The following GLIS3 variants were observed in gnomAD, a reference collection of about 807,000 sequenced individuals.
GLIS3 encodes GLIS family zinc finger 3.
Under a neutral mutation model 78.6 loss-of-function variants are expected in GLIS3, and 53 were observed. That is an observed-to-expected ratio of 0.67 (90% confidence interval 0.54 to 0.85). The LOEUF (loss-of-function observed/expected upper bound fraction) is 0.85. Among genes scored for constraint, GLIS3 ranks in the 40% least tolerant of loss-of-function variants. The pLI, the probability that GLIS3 is intolerant of heterozygous loss-of-function variation, is 0.00. For missense variants in GLIS3, 1,703 were observed against 1,231.1 expected, an observed-to-expected ratio of 1.38 and a Z score of -5.74; for synonymous variants, 684 against 509.9, an observed-to-expected ratio of 1.34 and a Z score of -4.60.
chr9:3,839,862 T>C (rs1486399211), intron 9 of GLIS3, among the ~76,000 whole-genome samples: 2 of 152,234 alleles, frequency 1.3e-5, no homozygotes, highest in African/African-American at 4.8e-5. Flanking sequence ...AATTAATTAG[T>C]AAAATTGATC....
chr9:4,068,607 T>C (rs1425618193), intron 4 of GLIS3, among the ~76,000 whole-genome samples: 1 of 151,960 alleles, frequency 6.6e-6, no homozygotes, highest in Admixed American at 6.6e-5. Context: ...TTAGAGAAAA[T>C]CCTGGGGCTC....
chr9:3,874,539 A>C (rs1821175861), intron 8 of GLIS3, among the ~76,000 whole-genome samples: 1 of 152,210 alleles, frequency 6.6e-6, no homozygotes, highest in Non-Finnish European at 1.5e-5. Context: ...TCAGTTTGTC[A>C]GATGTACAGG....
chr9:4,319,530 AAC>A (rs1817490083), intron 2 of GLIS3, among the ~76,000 whole-genome samples: 1 of 133,594 alleles, frequency 7.5e-6, no homozygotes, highest in Non-Finnish European at 1.6e-5. Context: ...TCCAAATACT[AAC>A]ACTTTTTTTT....
intron 2 of GLIS3, among the ~76,000 whole-genome samples, chr9:4,162,848 C>A (rs1247752341): frequency 9.6e-6 from 1 of 104,170 alleles, no homozygotes; most frequent in Non-Finnish European, 1.9e-5. Flanking sequence ...CAGAGTCTCG[C>A]TCTGTCAAAA....
intron 4 of GLIS3, among the ~76,000 whole-genome samples, chr9:4,019,295 C>T (rs541377552): frequency 6.6e-6 from 1 of 152,210 alleles, no homozygotes; most frequent in Non-Finnish European, 1.5e-5. Flanking sequence ...GTAATGGTGG[C>T]CCAGGAGGTT....
intron 2 of GLIS3, among the ~76,000 whole-genome samples, chr9:4,255,261 T>G (rs1824813621): frequency 6.6e-6 from 1 of 152,198 alleles, no homozygotes. Context: ...TCAGTGCTGG[T>G]GGGTATGCAA....
At chr9:4,093,085 T>C (rs891168668) in intron 4 of GLIS3, among the ~76,000 whole-genome samples, 3 of 152,180 alleles carry the variant, frequency 2.0e-5, no homozygotes, top group Non-Finnish European at 4.4e-5. Flanking sequence ...CATGTTGTTA[T>C]GTGGCACATG....
intron 2 of GLIS3, among the ~76,000 whole-genome samples, chr9:4,256,964 G>A (rs1170630504): frequency 6.6e-6 from 1 of 152,138 alleles, no homozygotes; most frequent in African/African-American, 2.4e-5. Context: ...CTCAACAGAT[G>A]AATGGACAAA....
chr9:3,985,866 T>C (rs1221468601), intron 4 of GLIS3, among the ~76,000 whole-genome samples: 2 of 152,218 alleles, frequency 1.3e-5, no homozygotes, highest in Non-Finnish European at 2.9e-5. Flanking sequence ...TTACTTTCCC[T>C]CTAGTTCCTG....
chr9:4,438,335 A>C, the GLIS3 span, among the ~76,000 whole-genome samples: 74 of 152,298 alleles, frequency 4.9e-4, no homozygotes, highest in African/African-American at 1.6e-3. Context: ...GATATAGCTA[A>C]AATGTTTTAG....
Position 4,228,533 on chromosome 9 carries a change from C to G in GLIS3, c.388+57505G>C, listed in dbSNP as rs146308630. Among the ~76,000 whole-genome samples the G allele has an allele frequency of 5.3e-5, 8 of 152,294 alleles. No homozygotes were observed. The East Asian group carries it at 1.5e-3, about 29-fold the overall frequency. Reference sequence around the variant, plus strand: ...ATCATTATAAAATCTCATGTATTAACTAAGTGTCTGGTCTCATTAGATGAA... The same window carrying G: ...ATCATTATAAAATCTCATGTATTAAGTAAGTGTCTGGTCTCATTAGATGAA... On this transcript the variant is annotated intron_variant, in intron 2 of 10. Transcript: ENST00000381971.
chr9:4,037,315 C>T (rs1171846225), intron 4 of GLIS3, among the ~76,000 whole-genome samples: 1 of 152,106 alleles, frequency 6.6e-6, no homozygotes, highest in Non-Finnish European at 1.5e-5. Context: ...AGCTTTGTGA[C>T]CACAGGCAAA....
At position 4,117,926 on chromosome 9, in the gene GLIS3, C is replaced by T. The variant is rs1831804698; in HGVS notation, c.1552G>A (p.Val518Met). 1 of 1,614,164 alleles carries T rather than the reference C, an allele frequency of 6.2e-7. No individual in the cohort carries two copies. The change falls in exon 4 of 11, where the codon GTG becomes ATG. Residue 518 changes from valine to methionine, a missense_variant. Coordinates refer to ENST00000381971, the MANE Select transcript of GLIS3 (RefSeq NM_001042413.2). ...ATGTGGACCTTCTCGATGTGCCGCACGAGCTCCTCCTGCTGGTCGTACAGG... is the reference window on the plus strand; with the variant it reads ...ATGTGGACCTTCTCGATGTGCCGCATGAGCTCCTCCTGCTGGTCGTACAGG... ...SALYDQQEELVRHIEKVHIDQ... is the reference protein window; with the variant it reads ...SALYDQQEELMRHIEKVHIDQ...
In GLIS3 at chr9:3,944,856, G is replaced by A. The variant is rs113221270; in HGVS notation, c.1711-7667C>T. On this transcript the variant is annotated intron_variant, in intron 4 of 10. Transcript: ENST00000381971. ...GACTGAGAAGTTCAAGGGCATGGCA[G>A]CAGCATTTGCTGAGGGCTTTCATAC... Among the ~76,000 whole-genome samples the A allele has an allele frequency of 4.9e-3, 741 of 152,318 alleles. 7 individuals are homozygous for A. The highest frequency in any genetic ancestry group is 0.017 in the African/African-American group (716 of 41,568).
intron 7 of GLIS3, among the ~76,000 whole-genome samples, chr9:3,882,849 C>G (rs771070916): frequency 6.6e-6 from 1 of 152,172 alleles, no homozygotes; most frequent in Non-Finnish European, 1.5e-5. Context: ...AGGTCTATGA[C>G]TTGCCTTTAC....
At chr9:4,369,979 T>C in the GLIS3 span, among the ~76,000 whole-genome samples, 2 of 151,920 alleles carry the variant, frequency 1.3e-5, no homozygotes, top group African/African-American at 4.8e-5. Flanking sequence ...ATCACTTGAA[T>C]TCAGGAGTTC....
At chr9:4,110,008 C>T (rs901684342) in intron 4 of GLIS3, among the ~76,000 whole-genome samples, 3 of 152,150 alleles carry the variant, frequency 2.0e-5, no homozygotes, top group Non-Finnish European at 4.4e-5. Flanking sequence ...TATATCACAG[C>T]CCTTGTTTTA....
intron 2 of GLIS3, among the ~76,000 whole-genome samples, chr9:4,220,900 G>A (rs1297822679): frequency 5.9e-5 from 9 of 152,036 alleles, no homozygotes; most frequent in South Asian, 2.1e-4. Flanking sequence ...TGGGAGGATC[G>A]CTTAAGCCCA....
intron 4 of GLIS3, among the ~76,000 whole-genome samples, chr9:3,958,552 T>A (rs1253877394): frequency 1.3e-5 from 2 of 152,184 alleles, no homozygotes; most frequent in African/African-American, 2.4e-5. Context: ...CATTCTTAAG[T>A]GCAGGGTCCT....
Sources: allele counts gnomAD v4.1 joint callset (sites outside exome capture counted in the v4.1 genomes callset), GRCh38; gene constraint gnomAD v4.1.1; transcripts MANE v1.5; gene names NCBI Gene and HGNC (gene_info 2026-07-23, HGNC 2026-07-21).